The following RBMS3 variants were observed in gnomAD, a reference collection of about 807,000 sequenced individuals.
RBMS3 encodes the protein RNA binding motif single stranded interacting protein 3.
In RBMS3, 27 loss-of-function variants were observed where a neutral mutation model predicts 66.8. That is an observed-to-expected ratio of 0.40 (90% CI 0.30 to 0.56). RBMS3 has a LOEUF of 0.56. Ranked by LOEUF, RBMS3 falls within the 20% of genes least tolerant of loss-of-function variation. The pLI, the probability that RBMS3 is intolerant of heterozygous loss-of-function variation, is 0.40. For missense variants in RBMS3, 513 were observed against 549.5 expected (o/e 0.93, Z 0.66); for synonymous variants, 188 against 183.0 (o/e 1.03, Z -0.22).
chr3:29,420,727 G>C (rs2040680596), intron 1 of RBMS3, among the ~76,000 whole-genome samples: 1 of 151,974 alleles, frequency 6.6e-6, no homozygotes, highest in South Asian at 2.1e-4. Context: ...TTAGTGCATA[G>C]AGCAAGCACT....
intron 2 of RBMS3, among the ~76,000 whole-genome samples, chr3:29,483,141 T>TA (rs397772507): frequency 0.71 from 105,705 of 149,274 alleles, 37,974 homozygotes; most frequent in African/African-American, 0.82. Flanking sequence ...CTGTCTCTAC[T>TA]AAAAAAAATA....
intron 4 of RBMS3, among the ~76,000 whole-genome samples, chr3:29,686,631 G>C (rs2051744851): frequency 6.6e-6 from 1 of 152,038 alleles, no homozygotes; most frequent in Admixed American, 6.6e-5. Flanking sequence ...ATTACAGTGG[G>C]CTGTGATCAC....
At chr3:29,988,627 T>TAGAAATGCAGACTTG (rs1414761409) in intron 13 of RBMS3, among the ~76,000 whole-genome samples, 1 of 152,118 alleles carries the variant, frequency 6.6e-6, no homozygotes, top group Non-Finnish European at 1.5e-5. Context: ...GAGAGCTTGT[T>TAGAAATGCAGACTTG]AGAAATGCAG....
chr3:29,601,443 T>C (rs901601428), intron 4 of RBMS3, among the ~76,000 whole-genome samples: 2 of 151,984 alleles, frequency 1.3e-5, no homozygotes, highest in Non-Finnish European at 2.9e-5. Flanking sequence ...TTATAAAGGT[T>C]TGAAACTTTT....
chr3:29,714,399 A>G (rs943876604), intron 4 of RBMS3, among the ~76,000 whole-genome samples: 1 of 152,192 alleles, frequency 6.6e-6, no homozygotes, highest in East Asian at 1.9e-4. Flanking sequence ...ACCGGCTGGG[A>G]AAGAGTAAGT....
chr3:29,632,888 C>A (rs545085188), intron 4 of RBMS3, among the ~76,000 whole-genome samples: 48 of 151,952 alleles, frequency 3.2e-4, no homozygotes, highest in Admixed American at 2.3e-3. Flanking sequence ...TTTCTACTGG[C>A]ACTTTTTAAT....
intron 10 of RBMS3, among the ~76,000 whole-genome samples, chr3:29,934,671 A>G (rs941366454): frequency 4.6e-5 from 7 of 152,170 alleles, no homozygotes; most frequent in Admixed American, 6.6e-5. Flanking sequence ...ACAGACCTTT[A>G]AAATAACAGA....
At chr3:29,999,903 T>TATA (rs1699501146) in intron 14 of RBMS3, among the ~76,000 whole-genome samples, 1 of 151,486 alleles carries the variant, frequency 6.6e-6, no homozygotes, top group African/African-American at 2.4e-5. Context: ...AAACTTAAAG[T>TATA]ATAATAATAA....
intron 3 of RBMS3, among the ~76,000 whole-genome samples, chr3:29,491,134 A>G (rs2043526928): frequency 2.0e-5 from 3 of 152,212 alleles, no homozygotes. Flanking sequence ...AAAGGGATGT[A>G]ACTAAAAATG....
rs558385739 is a variant in RBMS3, at chr3:29,594,739, A to C, written c.399+7534A>C. On this transcript the variant is annotated intron_variant, in intron 4 of 14. Transcript: ENST00000383767. Reference sequence around the variant, plus strand: ...TTGGCTCAGTTTTTTTCCTGATCCAAATGCTGAATGCAGGGATTCAAAACT... The same window carrying C: ...TTGGCTCAGTTTTTTTCCTGATCCACATGCTGAATGCAGGGATTCAAAACT... Among the ~76,000 whole-genome samples the C allele has an allele frequency of 2.6e-4, 40 of 152,302 alleles. 1 individual carries two copies. In the South Asian group the frequency reaches 8.1e-3, roughly 31 times the overall value.
chr3:29,346,100 C>T (rs1440654691), intron 1 of RBMS3, among the ~76,000 whole-genome samples: 1 of 152,166 alleles, frequency 6.6e-6, no homozygotes, highest in African/African-American at 2.4e-5. Context: ...GTTCAAGAAA[C>T]AAAGGGAATA....
At chr3:29,592,132 A>T (rs1464501080) in intron 4 of RBMS3, among the ~76,000 whole-genome samples, 2 of 152,032 alleles carry the variant, frequency 1.3e-5, no homozygotes, top group Admixed American at 1.3e-4. Flanking sequence ...CTTGACATAT[A>T]AAAAGATGAA....
chr3:29,498,743 T>C (rs1350370127), intron 3 of RBMS3, among the ~76,000 whole-genome samples: 1 of 152,210 alleles, frequency 6.6e-6, no homozygotes, highest in African/African-American at 2.4e-5. Context: ...GCCGGGCACA[T>C]ACATCAGGCA....
intron 7 of RBMS3, among the ~76,000 whole-genome samples, chr3:29,880,375 C>G (rs2059708289): frequency 6.6e-6 from 1 of 152,080 alleles, no homozygotes; most frequent in South Asian, 2.1e-4. Context: ...CATGGTGTGA[C>G]ATTTTCATTT....
intron 2 of RBMS3, among the ~76,000 whole-genome samples, chr3:29,463,955 A>T (rs1224692571): frequency 6.6e-6 from 1 of 152,186 alleles, no homozygotes. Context: ...TACAATTCAG[A>T]ATTGACAGCC....
chr3:29,684,207 C>T (rs2051617666), intron 4 of RBMS3, among the ~76,000 whole-genome samples: 1 of 152,084 alleles, frequency 6.6e-6, no homozygotes, highest in Non-Finnish European at 1.5e-5. Context: ...ACTGGGAGGC[C>T]TATCAACTAA....
intron 5 of RBMS3, among the ~76,000 whole-genome samples, chr3:29,749,664 TCTTTA>T (rs1377110821): frequency 5.3e-5 from 8 of 152,314 alleles, no homozygotes; most frequent in African/African-American, 1.7e-4. Context: ...AAAGTGATAT[TCTTTA>T]CTTATCATAA....
At chr3:29,506,805 T>C (rs778314442) in intron 3 of RBMS3, among the ~76,000 whole-genome samples, 2 of 151,934 alleles carry the variant, frequency 1.3e-5, no homozygotes, top group Non-Finnish European at 1.5e-5. Flanking sequence ...TTGGTTTTTA[T>C]GTTTTAGTTT....
intron 1 of RBMS3, among the ~76,000 whole-genome samples, chr3:29,324,152 A>G (rs1343919781): frequency 6.6e-6 from 1 of 152,188 alleles, no homozygotes; most frequent in Admixed American, 6.5e-5. Context: ...CAATGAACTT[A>G]AATGCACTTC....
Sources: gnomAD v4.1 joint callset for allele counts (sites outside exome capture counted in the v4.1 genomes callset) on GRCh38, gnomAD v4.1.1 for gene constraint, MANE v1.5 for transcripts, NCBI Gene and HGNC (gene_info 2026-07-23, HGNC 2026-07-21) for gene names.